The following CSMD1 variants were observed in gnomAD, a reference collection of about 807,000 sequenced individuals.
The protein encoded by CSMD1 is CUB and Sushi multiple domains 1.
In CSMD1, 213 loss-of-function variants were observed where a neutral mutation model predicts 417.5. The ratio of observed to expected loss-of-function variants is 0.51; its 90% CI spans 0.46 to 0.57. The LOEUF (loss-of-function observed/expected upper bound fraction) is 0.57, where lower values mean the gene tolerates loss of function less well. Ranked by LOEUF, CSMD1 falls within the 20% of genes least tolerant of loss-of-function variation. CSMD1 has a pLI of 0.00. For missense variants in CSMD1, 6,923 were observed against 4,529.7 expected, an observed-to-expected ratio of 1.53 and a Z score of -15.17; for synonymous variants, 2,862 against 1,736.8, an observed-to-expected ratio of 1.65 and a Z score of -16.11.
At chr8:3,633,642 G>A (rs952263444) in intron 7 of CSMD1, among the ~76,000 whole-genome samples, 2 of 152,076 alleles carry the variant, frequency 1.3e-5, no homozygotes, top group African/African-American at 2.4e-5. Flanking sequence ...AAATGTTAAT[G>A]ACATATTTTT....
At chr8:4,048,025 T>C (rs550503916) in intron 3 of CSMD1, among the ~76,000 whole-genome samples, 15 of 152,284 alleles carry the variant, frequency 9.9e-5, no homozygotes, top group Admixed American at 3.3e-4. Flanking sequence ...CAAACCGTTT[T>C]GCCCACTAAA....
At chr8:4,863,632 C>G (rs920702033) in intron 1 of CSMD1, among the ~76,000 whole-genome samples, 1 of 152,018 alleles carries the variant, frequency 6.6e-6, no homozygotes, top group African/African-American at 2.4e-5. Context: ...CTCTCCATAT[C>G]CACCCAGGGG....
chr8:4,008,801 G>A (rs1038716408), intron 4 of CSMD1, among the ~76,000 whole-genome samples: 2 of 151,316 alleles, frequency 1.3e-5, no homozygotes, highest in South Asian at 4.2e-4. Flanking sequence ...TGGTAGAGAC[G>A]GGATTTCAAT....
At chr8:3,010,291 G>A (rs538077939) in intron 52 of CSMD1, among the ~76,000 whole-genome samples, 97 of 152,292 alleles carry the variant, frequency 6.4e-4, no homozygotes, top group African/African-American at 2.2e-3. Context: ...GATGTAGCAG[G>A]TGGCATTCTA....
intron 3 of CSMD1, among the ~76,000 whole-genome samples, chr8:4,105,120 C>T (rs1378166427): frequency 6.6e-6 from 1 of 152,132 alleles, no homozygotes; most frequent in Non-Finnish European, 1.5e-5. Context: ...TAGCTCCCTA[C>T]ATGTAATACA....
In CSMD1 at chr8:3,493,743, A is replaced by T. The variant is rs1445687625; in HGVS notation, c.1345-17T>A. ...CTTGATGACCTAAATACAAGGTACG[A>T]AACAGTGACTTAGAACAACAGGTAC... On this transcript the variant is annotated splice_polypyrimidine_tract_variant and intron_variant, in intron 10 of 69. Transcript: ENST00000635120. 2 of 1,587,886 alleles carry T rather than the reference A, an allele frequency of 1.3e-6. No individual in the cohort carries two copies. The highest frequency in any genetic ancestry group is 1.7e-5 in the Admixed American group (1 of 57,412).
chr8:3,731,150 A>G (rs1029429568), intron 6 of CSMD1, among the ~76,000 whole-genome samples: 7 of 152,154 alleles, frequency 4.6e-5, no homozygotes, highest in African/African-American at 1.7e-4. Flanking sequence ...ATATTTCAGT[A>G]TGTCTGTTAA....
intron 1 of CSMD1, among the ~76,000 whole-genome samples, chr8:4,896,397 C>T (rs1469511836): frequency 6.6e-6 from 1 of 152,046 alleles, no homozygotes; most frequent in Non-Finnish European, 1.5e-5. Flanking sequence ...ATTATTTACT[C>T]GCTTCGATTA....
At chr8:4,094,037 T>A (rs141665138) in intron 3 of CSMD1, among the ~76,000 whole-genome samples, 7 of 151,356 alleles carry the variant, frequency 4.6e-5, no homozygotes, top group African/African-American at 1.5e-4. Flanking sequence ...AGAAAATCAA[T>A]AGAATGCACC....
At chr8:2,955,258 TA>T (rs1200580411) in intron 64 of CSMD1, among the ~76,000 whole-genome samples, 1 of 152,236 alleles carries the variant, frequency 6.6e-6, no homozygotes, top group Non-Finnish European at 1.5e-5. Flanking sequence ...CCTGAAACTA[TA>T]CCAAGTATTA....
intron 6 of CSMD1, among the ~76,000 whole-genome samples, chr8:3,712,122 G>C (rs1232036980): frequency 6.6e-6 from 1 of 151,504 alleles, no homozygotes; most frequent in Admixed American, 6.6e-5. Flanking sequence ...TACTGATGTA[G>C]ACTATCTGCT....
intron 54 of CSMD1, among the ~76,000 whole-genome samples, chr8:2,989,672 G>A (rs1397875676): frequency 6.6e-6 from 1 of 152,180 alleles, no homozygotes; most frequent in African/African-American, 2.4e-5. Context: ...TACAGAGAAT[G>A]ATGAATAAAT....
chr8:3,851,630 G>A (rs1166908504), intron 5 of CSMD1, among the ~76,000 whole-genome samples: 1 of 152,126 alleles, frequency 6.6e-6, no homozygotes. Flanking sequence ...AACATCCATT[G>A]CTAACTTAAG....
chr8:4,478,038 C>T (rs1800896250), intron 2 of CSMD1, among the ~76,000 whole-genome samples: 1 of 152,132 alleles, frequency 6.6e-6, no homozygotes, highest in Non-Finnish European at 1.5e-5. Flanking sequence ...TCACTTTCAT[C>T]TCCTCTGTAG....
chr8:4,381,461 T>G (rs554930883), intron 3 of CSMD1, among the ~76,000 whole-genome samples: 1 of 152,172 alleles, frequency 6.6e-6, no homozygotes, highest in Non-Finnish European at 1.5e-5. Flanking sequence ...TGCCGACGTG[T>G]GCTAAAGATC....
rs546552405 is a variant in CSMD1, at chr8:4,496,473, G to A, written c.303-76408C>T. On this transcript the variant is annotated intron_variant, in intron 2 of 69. Coordinates refer to ENST00000635120, the MANE Select transcript of CSMD1 (RefSeq NM_033225.6). ...TATGGAAGGCAAGCCAAGAGAACGT[G>A]GAATCTCCGTTTGCGGAACTTGTAA... Among the ~76,000 whole-genome samples the A allele has an allele frequency of 1.1e-4, 16 of 152,266 alleles. 1 individual carries two copies. In the South Asian group the frequency reaches 1.5e-3, roughly 14 times the overall value.
chr8:3,729,898 G>A lies in CSMD1; in HGVS notation c.932-21407C>T, dbSNP rs992147467. On this transcript the variant is annotated intron_variant, in intron 6 of 69. Transcript: ENST00000635120. Reference sequence around the variant, plus strand: ...TCACACTGTACTCCCCAAATCTACAGAATTATTATTTGCCAATTCAAAGTA... The same window carrying A: ...TCACACTGTACTCCCCAAATCTACAAAATTATTATTTGCCAATTCAAAGTA... 9.9e-5 allele frequency among the ~76,000 whole-genome samples: 10 copies of A among 100,578 alleles called. No homozygotes were observed. In the South Asian group the frequency reaches 1.4e-3, roughly 14 times the overall value. 66.0% of individuals were successfully genotyped at this position (100,578 alleles called of 152,430 possible).
chr8:3,966,711 C>T (rs1368365271), intron 5 of CSMD1, among the ~76,000 whole-genome samples: 5 of 149,716 alleles, frequency 3.3e-5, no homozygotes, highest in Admixed American at 6.7e-5. Context: ...GCCTGGCAGG[C>T]TGCAGGCATT....
intron 3 of CSMD1, among the ~76,000 whole-genome samples, chr8:4,152,569 G>A (rs568780673): frequency 2.0e-5 from 3 of 151,456 alleles, no homozygotes; most frequent in Non-Finnish European, 2.9e-5. Flanking sequence ...GCACACTTGT[G>A]TTCCCAACTC....
Sources: gnomAD v4.1 joint callset for allele counts (sites outside exome capture counted in the v4.1 genomes callset) on GRCh38, gnomAD v4.1.1 for gene constraint, MANE v1.5 for transcripts, NCBI Gene and HGNC (gene_info 2026-07-23, HGNC 2026-07-21) for gene names.